Variants in C9orf50 observed in about 807,000 individuals in gnomAD.
C9orf50 encodes the protein uncharacterized protein C9orf50.
A neutral mutation model predicts 42.5 loss-of-function variants in C9orf50; 33 were observed. That is an observed-to-expected ratio of 0.78 (90% CI 0.59 to 1.04). C9orf50 has a LOEUF of 1.04. C9orf50 is among the 50% of genes least tolerant of loss of function. The pLI is 0.00. For missense variants in C9orf50, 547 were observed against 594.3 expected (o/e 0.92, Z 0.83); for synonymous variants, 257 against 273.4 (o/e 0.94, Z 0.59).
At chr9:129,615,533 G>A (rs749918326) in exon 4 of C9orf50, 63 of 1,610,794 alleles carry the variant, frequency 3.9e-5, no homozygotes, top group Non-Finnish European at 4.7e-5. Flanking sequence ...GCAGGGTCTC[G>A]TCAGCGAATC....
intron 3 of C9orf50, among the ~76,000 whole-genome samples, chr9:129,617,217 ATGTC>A (rs1830436840): frequency 6.6e-6 from 1 of 152,242 alleles, no homozygotes; most frequent in Non-Finnish European, 1.5e-5. Context: ...CCACATCTGT[ATGTC>A]TGTGTAGATG....
upstream of C9orf50, among the ~76,000 whole-genome samples, chr9:129,621,747 C>G (rs1469710152): frequency 6.6e-6 from 1 of 152,124 alleles, no homozygotes; most frequent in African/African-American, 2.4e-5. Context: ...TGAGGGGTTT[C>G]TAAGCCTGCT....
intron 3 of C9orf50, among the ~76,000 whole-genome samples, chr9:129,616,651 C>T (rs915012495): frequency 1.3e-5 from 2 of 152,204 alleles, no homozygotes; most frequent in Non-Finnish European, 2.9e-5. Context: ...ATAATACCAT[C>T]CTCCTGGGTT....
chr9:129,620,746 C>A lies in C9orf50; in HGVS notation c.-172G>T. Reference sequence around the variant, plus strand: ...CAGCGAGTGGCTTCAGGCGAGAGCTCCCAGAGCCTCTGTTTCCTCACCTGA... The same window carrying A: ...CAGCGAGTGGCTTCAGGCGAGAGCTACCAGAGCCTCTGTTTCCTCACCTGA... On this transcript the variant is annotated 5_prime_UTR_variant, in exon 1 of 7. Coordinates refer to ENST00000372478, the Ensembl canonical transcript of C9orf50. This position sits in a 1 kb window ranked among gnomAD's most constrained non-coding sequence, Gnocchi z 5.8. 1 of 513,016 alleles carries A rather than the reference C, an allele frequency of 1.9e-6. No homozygotes were observed. The highest frequency in any genetic ancestry group is 3.0e-6 in the Non-Finnish European group (1 of 332,360). The allele number at this position is 513,016 out of a possible 1,614,324, so 31.8% of individuals were successfully genotyped here.
At position 129,613,331 on chromosome 9, in the gene C9orf50, C is replaced by T; in HGVS notation, c.1044-80G>A. On this transcript the variant is annotated intron_variant, in intron 5 of 6. Coordinates refer to ENST00000372478, the Ensembl canonical transcript of C9orf50. This position sits in a 1 kb window ranked among gnomAD's most constrained non-coding sequence, Gnocchi z 6.2. The stretch of plus-strand genomic sequence containing the variant: ...ATGGCTGGCAGGGCCCTTGAGGACC[C>T]ACACTGGCAACCCGCCTGCTGCTGG... 6.4e-7 allele frequency: 1 copy of T among 1,565,968 alleles called. No individual in the cohort carries two copies. Among genetic ancestry groups the T allele is most frequent in the Admixed American group, 1.8e-5 (1 of 54,956 alleles).
Position 129,615,464 on chromosome 9 carries a change from T to C in C9orf50, c.880+20A>G. ...CTAGAACTTTCGGGAGTCTCGAGGC[T>C]CCCCATCCTGTCTGCTTACCTGAGC... is the stretch of plus-strand genomic sequence containing the variant. On this transcript the variant is annotated intron_variant, in intron 4 of 6. Coordinates refer to ENST00000372478, the Ensembl canonical transcript of C9orf50. The C allele has an allele frequency of 6.4e-7, 1 of 1,559,188 alleles. No homozygotes were observed. The highest frequency in any genetic ancestry group is 8.7e-7 in the Non-Finnish European group (1 of 1,152,348).
At chr9:129,619,242 G>A (rs181326070) in intron 3 of C9orf50, among the ~76,000 whole-genome samples, 3 of 152,302 alleles carry the variant, frequency 2.0e-5, no homozygotes, top group East Asian at 3.9e-4. Flanking sequence ...TGCAAAGATG[G>A]ATGGGTGAAT....
rs917034902 is a variant in C9orf50 at position 129,619,519 on chromosome 9, C to G, written c.716+1G>C. On this transcript the variant is annotated splice_donor_variant, in intron 3 of 6. Transcript: ENST00000372478. LOFTEE classifies it high-confidence loss of function. ...CTACCCTTATCCCGCCCATCACTCACTGGTTGGCCTTTCTGACAGTGGTGA... is the reference window on the plus strand; with the variant it reads ...CTACCCTTATCCCGCCCATCACTCAGTGGTTGGCCTTTCTGACAGTGGTGA... 12 of 1,609,698 alleles carry G rather than the reference C, an allele frequency of 7.5e-6. No homozygotes were observed. Among genetic ancestry groups the G allele is most frequent in the Admixed American group, 5.0e-5 (3 of 59,832 alleles).
rs751928422 is a variant in C9orf50, at chr9:129,619,782, C to G, written c.557G>C (p.Gly186Ala). The change falls in exon 2 of 7, where the codon GGG (glycine) becomes GCG (alanine). Residue 186 changes from glycine to alanine, a missense_variant. Physicochemically the swap from Gly to Ala is moderately conservative, Grantham distance 60. Transcript: ENST00000372478. ...TGAACAGTTGGGACACCGCGGAGACCCTGGGCAGTGCTCTAATACACCCCT... is the reference window on the plus strand; with the variant it reads ...TGAACAGTTGGGACACCGCGGAGACGCTGGGCAGTGCTCTAATACACCCCT... 5.0e-6 allele frequency: 8 copies of G among 1,614,058 alleles called. No individual in the cohort carries two copies. In the Admixed American group the frequency reaches 1.3e-4, roughly 27 times the overall value.
chr9:129,617,966 G>A (rs1227944587), intron 3 of C9orf50, among the ~76,000 whole-genome samples: 2 of 152,212 alleles, frequency 1.3e-5, no homozygotes, highest in Non-Finnish European at 2.9e-5. Context: ...TTATAGGCAT[G>A]AGCCACCATG....
Position 129,613,257 on chromosome 9 carries a change from G to A in C9orf50, c.1044-6C>T, listed in dbSNP as rs201110691. On this transcript the variant is annotated splice_region_variant and splice_polypyrimidine_tract_variant and intron_variant, in intron 5 of 6. Coordinates refer to ENST00000372478, the Ensembl canonical transcript of C9orf50. This position sits in a 1 kb window ranked among gnomAD's most constrained non-coding sequence, Gnocchi z 6.2. ...CCTGTGTCTTCTGGGTGGACCTGGG[G>A]GAGACAGGACCCCATGAGCTTCCTG... 5.0e-4 allele frequency: 801 copies of A among 1,600,180 alleles called. No homozygotes were observed. Among genetic ancestry groups the A allele is most frequent in the Non-Finnish European group, 6.3e-4 (741 of 1,171,612 alleles).
rs959788221 is a variant in C9orf50, at chr9:129,613,377, G to T, written c.1043+58C>A. ...GCTGGGTGGGGAGGTCTGTAGGCAA[G>T]GGGGGTGGAGGGCCCTGGCAATGTC... is the stretch of plus-strand genomic sequence containing the variant. On this transcript the variant is annotated intron_variant, in intron 5 of 6. Coordinates refer to ENST00000372478, the Ensembl canonical transcript of C9orf50. The surrounding 1 kb of genome is among the most constrained non-coding windows in gnomAD (Gnocchi z 6.2). 4.4e-6 allele frequency: 7 copies of T among 1,594,304 alleles called. No homozygotes were observed. The highest frequency in any genetic ancestry group is 1.7e-4 in the Middle Eastern group (1 of 5,910).
intron 3 of C9orf50, among the ~76,000 whole-genome samples, chr9:129,617,679 TTTTG>T (rs200792622): frequency 0.057 from 8,709 of 152,136 alleles, 308 homozygotes; most frequent in South Asian, 0.097. Context: ...GTTTCACTGT[TTTTG>T]TTTGTTTGTT....
At chr9:129,615,009 T>A (rs551161904) in intron 4 of C9orf50, among the ~76,000 whole-genome samples, 8 of 152,362 alleles carry the variant, frequency 5.3e-5, no homozygotes, top group South Asian at 2.1e-4. Context: ...CAGTGCCAAC[T>A]GTCTCCAGGA....
chr9:129,613,354 T>G lies in C9orf50; in HGVS notation c.1043+81A>C. 1 of 1,575,054 alleles carries G rather than the reference T, an allele frequency of 6.3e-7. No homozygotes were observed. Among genetic ancestry groups the G allele is most frequent in the East Asian group, 2.3e-5 (1 of 44,368 alleles). On this transcript the variant is annotated intron_variant, in intron 5 of 6. Coordinates refer to ENST00000372478, the Ensembl canonical transcript of C9orf50. This position sits in a 1 kb window ranked among gnomAD's most constrained non-coding sequence, Gnocchi z 6.2. ...CCCACACTGGCAACCCGCCTGCTGC[T>G]GGGTGGGGAGGTCTGTAGGCAAGGG...
rs1213429707 is a variant in C9orf50 at position 129,614,879 on chromosome 9, G to A, written c.880+605C>T. Among the ~76,000 whole-genome samples, 1 of 152,066 alleles carries A rather than the reference G, an allele frequency of 6.6e-6. No individual in the cohort carries two copies. The highest frequency in any genetic ancestry group is 2.4e-5 in the African/African-American group (1 of 41,378). ...ATCGCGCCACTGCACTCCAGCCTGG[G>A]CGACAGAGTGAGACTCCGTATCAGA... is the stretch of plus-strand genomic sequence containing the variant. On this transcript the variant is annotated intron_variant, in intron 4 of 6. Coordinates refer to ENST00000372478, the Ensembl canonical transcript of C9orf50. The surrounding 1 kb of genome is among the most constrained non-coding windows in gnomAD (Gnocchi z 4.4).
In C9orf50 at chr9:129,620,707, A is replaced by G. The variant is rs1830660911; in HGVS notation, c.-133T>C. On this transcript the variant is annotated 5_prime_UTR_variant, in exon 1 of 7. Coordinates refer to ENST00000372478, the Ensembl canonical transcript of C9orf50. This position sits in a 1 kb window ranked among gnomAD's most constrained non-coding sequence, Gnocchi z 5.8. ...GGCAGCGCGGTGCGGGGTGAACGCC[A>G]CCGGCCCGGCGGACAGCGAGTGGCT... The G allele has an allele frequency of 2.5e-6, 2 of 806,634 alleles. No homozygotes were observed. Among genetic ancestry groups the G allele is most frequent in the South Asian group, 6.4e-5 (1 of 15,566 alleles). The allele number at this position is 806,634 out of a possible 1,614,324, so 50.0% of individuals were successfully genotyped here.
chr9:129,614,234 C>T lies in C9orf50; in HGVS notation c.881-637G>A, dbSNP rs1220483265. Among the ~76,000 whole-genome samples the T allele has an allele frequency of 4.6e-5, 7 of 152,298 alleles. No individual in the cohort carries two copies. In the South Asian group the frequency reaches 6.2e-4, roughly 14 times the overall value. On this transcript the variant is annotated intron_variant, in intron 4 of 6. Coordinates refer to ENST00000372478, the Ensembl canonical transcript of C9orf50. This position sits in a 1 kb window ranked among gnomAD's most constrained non-coding sequence, Gnocchi z 4.4. The stretch of plus-strand genomic sequence containing the variant: ...ACTCTGGCTTCTATATGTGGCTCTG[C>T]GTCACCCACACAAGCCCATCCTGCT...
rs969491538 is a variant in C9orf50 at position 129,620,321 on chromosome 9, G to A, written c.254C>T (p.Thr85Ile). ...CTTCCGCACGGCCCGCCGGGTCGCG[G>A]TGAGCAAGGCGGGCAGGCGCGGCGG... Residue 85 changes from threonine (T) to isoleucine (I), a missense_variant, in exon 1 of 7, where the codon ACC becomes ATC. Physicochemically the swap from Thr to Ile is moderately conservative, Grantham distance 89. Transcript: ENST00000372478. This position sits in a 1 kb window ranked among gnomAD's most constrained non-coding sequence, Gnocchi z 5.8. 2.4e-6 allele frequency: 3 copies of A among 1,237,852 alleles called. No individual in the cohort carries two copies. Among genetic ancestry groups the A allele is most frequent in the African/African-American group, 3.1e-5 (2 of 63,940 alleles). The allele number at this position is 1,237,852 out of a possible 1,614,324, so 76.7% of individuals were successfully genotyped here. A position where few individuals can be genotyped will look rare whatever the true frequency, so the allele number is the denominator to read the frequency against.
Sources: gnomAD v4.1 joint callset for allele counts (sites outside exome capture counted in the v4.1 genomes callset) on GRCh38, gnomAD v4.1.1 for gene constraint, Gnocchi (gnomAD v3.1) non-coding constraint, MANE v1.5 for transcripts, NCBI Gene and HGNC (gene_info 2026-07-23, HGNC 2026-07-21) for gene names.